The following C1orf87 variants were observed in gnomAD, a reference collection of about 807,000 sequenced individuals.
C1orf87 encodes chromosome 1 open reading frame 87.
A neutral mutation model predicts 60.5 loss-of-function variants in C1orf87; 58 were observed. The observed-to-expected ratio is 0.96, with a 90% CI of 0.78 to 1.19. The LOEUF (loss-of-function observed/expected upper bound fraction) is 1.19, where lower values mean the gene tolerates loss of function less well. Ranked by LOEUF, C1orf87 falls within the 50% of genes most tolerant of loss-of-function variation. The probability of loss-of-function intolerance (pLI) is 0.00; values close to 1 mark genes in which losing one functional copy is unlikely to be tolerated. For missense variants in C1orf87, 673 were observed against 638.6 expected, an observed-to-expected ratio of 1.05 and a Z score of -0.58; for synonymous variants, 236 against 227.4, an observed-to-expected ratio of 1.04 and a Z score of -0.34.
chr1:60,001,649 C>T (rs1022979213), intron 9 of C1orf87, among the ~76,000 whole-genome samples: 28 of 152,158 alleles, frequency 1.8e-4, no homozygotes, highest in East Asian at 1.2e-3. Context: ...TAGCAAGGCC[C>T]TAAGAAAGGC....
At chr1:60,043,409 GTC>G (rs2100301445) in intron 3 of C1orf87, among the ~76,000 whole-genome samples, 1 of 152,052 alleles carries the variant, frequency 6.6e-6, no homozygotes, top group East Asian at 1.9e-4. Flanking sequence ...TTGAGACCGA[GTC>G]TCACTCTGTT....
chr1:60,005,277 C>T (rs113479216), intron 9 of C1orf87, among the ~76,000 whole-genome samples: 33 of 152,132 alleles, frequency 2.2e-4, no homozygotes, highest in Non-Finnish European at 2.9e-4. Context: ...GGCAGGGTTA[C>T]GTCTGTGGCT....
rs1645192854 is a variant in C1orf87, at chr1:60,025,487, T to C, written c.1041A>G (p.Ile347Met). The C allele has an allele frequency of 1.2e-6, 2 of 1,609,696 alleles. No individual in the cohort carries two copies. The highest frequency in any genetic ancestry group is 1.7e-6 in the Non-Finnish European group (2 of 1,178,312). ...GCLPLPKVRAICGKHGLYLTL... is the reference protein window; with the variant it reads ...GCLPLPKVRAMCGKHGLYLTL... ...TCAGATATAATCCATGCTTCCCACA[T>C]ATAGCCCTGACCTACAAGTTAAAAA... Residue 347 changes from isoleucine to methionine, a missense_variant, in exon 8 of 12, where the codon ATA becomes ATG. Ile to Met is a conservative substitution (Grantham distance 10). Coordinates refer to ENST00000371201, the MANE Select transcript of C1orf87 (RefSeq NM_152377.3).
At chr1:60,052,967 C>A (rs893298081) in intron 3 of C1orf87, among the ~76,000 whole-genome samples, 2 of 152,302 alleles carry the variant, frequency 1.3e-5, no homozygotes, top group Non-Finnish European at 2.9e-5. Context: ...AGAGTGTTAG[C>A]CCCCGCTGAG....
rs1203528590 is a variant in C1orf87, at chr1:60,046,083, T to C, written c.343-4952A>G. On this transcript the variant is annotated intron_variant, in intron 3 of 11. Transcript: ENST00000371201. The stretch of plus-strand genomic sequence containing the variant: ...TTTTAAAATTCCTTCCTTCCTTCCT[T>C]CCTGCTTTTCTCTCTTTTTTCCTCC... Among the ~76,000 whole-genome samples the C allele has an allele frequency of 7.9e-5, 12 of 151,766 alleles. No individual in the cohort carries two copies. The East Asian group carries it at 2.3e-3, about 30-fold the overall frequency.
rs113774105 is a variant in C1orf87 at position 60,000,846 on chromosome 1, C to T, written c.1272+231G>A. Among the ~76,000 whole-genome samples the T allele has an allele frequency of 8.3e-3, 1,265 of 152,066 alleles. 26 individuals carry two copies. The highest frequency in any genetic ancestry group is 0.028 in the African/African-American group (1,180 of 41,482). ...GGGGCAGGTGGCAAGCCCATCACCA[C>T]GTGATGGCAATAGGTTTCTGCAAAC... On this transcript the variant is annotated intron_variant, in intron 10 of 11. Coordinates refer to ENST00000371201, the MANE Select transcript of C1orf87 (RefSeq NM_152377.3).
chr1:59,993,888 A>G (rs750803386), intron 11 of C1orf87, among the ~76,000 whole-genome samples: 1 of 150,868 alleles, frequency 6.6e-6, no homozygotes, highest in African/African-American at 2.4e-5. Flanking sequence ...CCTCCCAAGT[A>G]GCTGGGACTA....
chr1:60,040,242 A>G, intron 4 of C1orf87, 62 bp from the exon 5 acceptor site: 1 of 1,549,820 alleles, frequency 6.5e-7, no homozygotes, highest in East Asian at 2.2e-5. Context: ...AGACCAAAGC[A>G]AGGAAGCAGA....
chr1:60,043,782 C>G (rs947873543), intron 3 of C1orf87, among the ~76,000 whole-genome samples: 1 of 134,614 alleles, frequency 7.4e-6, no homozygotes, highest in Non-Finnish European at 1.6e-5. Context: ...CAGCCACACA[C>G]AATTTTTTTT....
In C1orf87 at chr1:59,991,045, G is replaced by T. The variant is rs556786272; in HGVS notation, c.1481-212C>A. Reference sequence around the variant, plus strand: ...CAGGAAGAATCTGAGGGTGATTTCAGGGGAAAGAGAACAAGATGGGATCCA... The same window carrying T: ...CAGGAAGAATCTGAGGGTGATTTCATGGGAAAGAGAACAAGATGGGATCCA... On this transcript the variant is annotated intron_variant, in intron 11 of 11. Coordinates refer to ENST00000371201, the MANE Select transcript of C1orf87 (RefSeq NM_152377.3). Among the ~76,000 whole-genome samples, 29 of 152,302 alleles carry T rather than the reference G, an allele frequency of 1.9e-4. No homozygotes were observed. The South Asian group carries it at 4.6e-3, about 24-fold the overall frequency.
Position 60,055,389 on chromosome 1 carries a change from G to A in C1orf87, c.157C>T (p.Pro53Ser). The change falls in exon 3 of 12, where the codon CCA becomes TCA. Residue 53 changes from proline to serine, a missense_variant. By Grantham distance (74) the Pro-to-Ser change is moderately conservative. Transcript: ENST00000371201. ...KTETQTMHQK[P>S]MTDNARQMSR... is the part of the protein sequence containing the mutation. ...ATCTGCCTTGCATTATCAGTCATTG[G>A]TTTCTGGTGCATTGTTTGGGTTTCT... 6.2e-7 allele frequency: 1 copy of A among 1,614,100 alleles called. No individual in the cohort carries two copies. The highest frequency in any genetic ancestry group is 1.7e-5 in the Admixed American group (1 of 60,026).
chr1:59,992,503 C>G (rs1031285892), intron 11 of C1orf87, among the ~76,000 whole-genome samples: 2 of 152,142 alleles, frequency 1.3e-5, no homozygotes, highest in African/African-American at 2.4e-5. Context: ...AACCCTCCCC[C>G]TAATGCCTTT....
intron 8 of C1orf87, among the ~76,000 whole-genome samples, chr1:60,018,689 C>T (rs897879946): frequency 6.6e-6 from 1 of 152,152 alleles, no homozygotes; most frequent in East Asian, 1.9e-4. Context: ...AGCTTAACCA[C>T]ACCTCTCGCC....
intron 11 of C1orf87, among the ~76,000 whole-genome samples, chr1:59,993,454 T>C (rs1319913520): frequency 1.3e-5 from 2 of 152,128 alleles, no homozygotes; most frequent in East Asian, 3.9e-4. Context: ...ATAAACAGTA[T>C]ATATGTAATT....
intron 8 of C1orf87, among the ~76,000 whole-genome samples, chr1:60,023,850 A>T (rs912281252): frequency 3.9e-5 from 6 of 152,294 alleles, no homozygotes; most frequent in African/African-American, 1.4e-4. Flanking sequence ...TTTGTGGAGC[A>T]CTGGCTGGGC....
chr1:60,021,584 C>T (rs1645163567), intron 8 of C1orf87, among the ~76,000 whole-genome samples: 1 of 152,100 alleles, frequency 6.6e-6, no homozygotes, highest in South Asian at 2.1e-4. Flanking sequence ...TCCCCAACCC[C>T]CAATTCAGTT....
At chr1:60,045,426 A>G (rs1218653822) in intron 3 of C1orf87, among the ~76,000 whole-genome samples, 1 of 152,132 alleles carries the variant, frequency 6.6e-6, no homozygotes, top group African/African-American at 2.4e-5. Flanking sequence ...TCATTTGACT[A>G]TTTTACTCAT....
At chr1:60,023,359 T>C (rs959179564) in intron 8 of C1orf87, among the ~76,000 whole-genome samples, 2 of 152,156 alleles carry the variant, frequency 1.3e-5, no homozygotes, top group Non-Finnish European at 2.9e-5. Context: ...CAAGGCCCAG[T>C]GATGCTCTGT....
chr1:60,072,685 A>T lies in C1orf87; in HGVS notation c.-27-15T>A. On this transcript the variant is annotated splice_polypyrimidine_tract_variant and intron_variant, in intron 1 of 11. Transcript: ENST00000371201. Reference sequence around the variant, plus strand: ...CCTTCAGATCCCTAGGGGTGAAAATAAGTAAATTGTTCCTCTTGATTTTCC... The same window carrying T: ...CCTTCAGATCCCTAGGGGTGAAAATTAGTAAATTGTTCCTCTTGATTTTCC... 7.2e-7 allele frequency: 1 copy of T among 1,392,972 alleles called. No individual in the cohort carries two copies. Among genetic ancestry groups the T allele is most frequent in the Non-Finnish European group, 1.0e-6 (1 of 1,001,940 alleles). The allele number at this position is 1,392,972 out of a possible 1,614,324, so 86.3% of individuals were successfully genotyped here.
Sources: allele counts gnomAD v4.1 joint callset (sites outside exome capture counted in the v4.1 genomes callset), GRCh38; gene constraint gnomAD v4.1.1; transcripts MANE v1.5; gene names NCBI Gene and HGNC (gene_info 2026-07-23, HGNC 2026-07-21).